Variants in THSD4 observed in about 807,000 individuals in gnomAD.
The protein encoded by THSD4 is thrombospondin type 1 domain containing 4, also known as thrombospondin type-1 domain-containing protein 4.
In THSD4, 69 loss-of-function variants were observed where a neutral mutation model predicts 119.0. That is an observed-to-expected ratio of 0.58 (90% CI 0.48 to 0.71). The LOEUF is 0.71. Among genes scored for constraint, THSD4 ranks in the 30% least tolerant of loss-of-function variants. THSD4 has a pLI of 0.00. For synonymous variants in THSD4, 524 were observed against 540.4 expected (o/e 0.97, Z 0.42); for missense variants, 1,393 against 1,391.1 (o/e 1.00, Z -0.02).
intron 6 of THSD4, among the ~76,000 whole-genome samples, chr15:71,394,059 T>A (rs778002255): frequency 3.4e-4 from 50 of 148,840 alleles, no homozygotes; most frequent in Non-Finnish European, 6.8e-4. Context: ...CAGTTAAATG[T>A]GAATATCAGA....
At chr15:71,299,972 A>ATATATAT (rs1409701282) in intron 6 of THSD4, among the ~76,000 whole-genome samples, 8 of 27,294 alleles carry the variant, frequency 2.9e-4, no homozygotes, top group African/African-American at 4.3e-4. Flanking sequence ...AAAAAAAAAA[A>ATATATAT]AAAAATATAT....
intron 7 of THSD4, among the ~76,000 whole-genome samples, chr15:71,659,732 C>T (rs924356584): frequency 2.8e-4 from 43 of 151,902 alleles, no homozygotes; most frequent in Non-Finnish European, 4.0e-4. Flanking sequence ...TTTGTGTGTG[C>T]GACATAAAAT....
At chr15:71,140,405 C>T (rs1222900246) in intron 1 of THSD4, among the ~76,000 whole-genome samples, 3 of 152,000 alleles carry the variant, frequency 2.0e-5, no homozygotes, top group Non-Finnish European at 4.4e-5. Context: ...TCAGATCTCA[C>T]CCTAACTAAT....
Position 71,589,320 on chromosome 15 carries a change from T to G in THSD4, c.1153-71210T>G, listed in dbSNP as rs537197646. ...TGTGTGTGTGCATACATATTTTGTG[T>G]TTTGTGTAGTCTGGTGTGATATAAA... On this transcript the variant is annotated intron_variant, in intron 7 of 17. Coordinates refer to ENST00000261862, the MANE Select transcript of THSD4 (RefSeq NM_024817.3). Among the ~76,000 whole-genome samples the G allele has an allele frequency of 8.4e-5, 8 of 95,658 alleles. 2 individuals carry two copies. Among genetic ancestry groups the G allele is most frequent in the African/African-American group, 2.4e-4 (8 of 32,798 alleles). 62.8% of individuals were successfully genotyped at this position (95,658 alleles called of 152,430 possible). A position where few individuals can be genotyped will look rare whatever the true frequency, so the allele number is the denominator to read the frequency against.
chr15:71,652,096 A>G (rs542483444), intron 7 of THSD4, among the ~76,000 whole-genome samples: 1 of 152,158 alleles, frequency 6.6e-6, no homozygotes, highest in Non-Finnish European at 1.5e-5. Context: ...GAGTTCATCA[A>G]CCCAACTCAC....
chr15:71,423,541 C>A (rs1397478047), intron 7 of THSD4, among the ~76,000 whole-genome samples: 1 of 152,180 alleles, frequency 6.6e-6, no homozygotes, highest in East Asian at 1.9e-4. Flanking sequence ...CTGCCCTATC[C>A]TGTGGTGGAT....
intron 7 of THSD4, among the ~76,000 whole-genome samples, chr15:71,478,273 T>C (rs1424470859): frequency 6.6e-6 from 1 of 152,236 alleles, no homozygotes. Context: ...AGATGTTGTA[T>C]GCTAACTCCA....
At chr15:71,128,638 A>G (rs1239913799) in intron 1 of THSD4, among the ~76,000 whole-genome samples, 1 of 152,208 alleles carries the variant, frequency 6.6e-6, no homozygotes, top group Non-Finnish European at 1.5e-5. Flanking sequence ...ACTGGTTGAA[A>G]ACTTCCCAAA....
At chr15:71,707,443 CAT>C (rs1284073599) in intron 8 of THSD4, among the ~76,000 whole-genome samples, 2 of 152,194 alleles carry the variant, frequency 1.3e-5, no homozygotes, top group African/African-American at 2.4e-5. Context: ...ATTAAACCAA[CAT>C]GTGAATATCA....
At chr15:71,402,154 T>C (rs1208022421) in intron 6 of THSD4, among the ~76,000 whole-genome samples, 2 of 151,286 alleles carry the variant, frequency 1.3e-5, no homozygotes, top group Non-Finnish European at 2.9e-5. Flanking sequence ...CTAATCTAAA[T>C]GACAAGTTAA....
chr15:71,299,158 G>A (rs1567186401), intron 6 of THSD4, among the ~76,000 whole-genome samples: 1 of 152,196 alleles, frequency 6.6e-6, no homozygotes, highest in African/African-American at 2.4e-5. Flanking sequence ...TCATCTAAAT[G>A]TTTTAATATA....
At chr15:71,128,189 G>A (rs1457052357) in intron 1 of THSD4, among the ~76,000 whole-genome samples, 3 of 151,084 alleles carry the variant, frequency 2.0e-5, no homozygotes, top group Admixed American at 1.3e-4. Flanking sequence ...TACCCAACCT[G>A]AGCAACAGAT....
At chr15:71,213,590 A>T (rs2043905243) in intron 3 of THSD4, among the ~76,000 whole-genome samples, 1 of 152,210 alleles carries the variant, frequency 6.6e-6, no homozygotes, top group South Asian at 2.1e-4. Flanking sequence ...GGCCTGGCTC[A>T]GCACTGGCAT....
chr15:71,713,157 C>A (rs143449361), intron 8 of THSD4, among the ~76,000 whole-genome samples: 1 of 152,152 alleles, frequency 6.6e-6, no homozygotes, highest in Non-Finnish European at 1.5e-5. Flanking sequence ...CGTCTTAATC[C>A]AATATGCCAT....
intron 10 of THSD4, chr15:71,733,435 A>G (rs960582189): frequency 6.6e-6 from 1 of 152,224 alleles, no homozygotes; most frequent in African/African-American, 2.4e-5. Context: ...GATTGAATAA[A>G]TTAGTTGTCC....
rs2043923283 is a variant in THSD4 at position 71,215,307 on chromosome 15, G to A, written c.372G>A (p.Leu124=). ...GGAGCCGCGACGAGACGCCAGCGCTGGCCGGTACGGACGCCAGCCGCCAGG... is the reference window on the plus strand; with the variant it reads ...GGAGCCGCGACGAGACGCCAGCGCTAGCCGGTACGGACGCCAGCCGCCAGG... ...LHRSRDETPA[L]AGTDASRQGP... Residue 124 remains leucine (L), a synonymous_variant, in exon 4 of 18, where the codon CTG becomes CTA. Coordinates refer to ENST00000261862, the MANE Select transcript of THSD4 (RefSeq NM_024817.3). 6.5e-7 allele frequency: 1 copy of A among 1,527,982 alleles called. No individual in the cohort carries two copies. 94.7% of individuals were successfully genotyped at this position (1,527,982 alleles called of 1,614,324 possible). A position where few individuals can be genotyped will look rare whatever the true frequency, so the allele number is the denominator to read the frequency against.
At chr15:71,226,310 T>G (rs1191725559) in intron 4 of THSD4, among the ~76,000 whole-genome samples, 1 of 152,208 alleles carries the variant, frequency 6.6e-6, no homozygotes, top group African/African-American at 2.4e-5. Flanking sequence ...ATTTAGAGAC[T>G]TGTGTCCCTT....
intron 8 of THSD4, among the ~76,000 whole-genome samples, chr15:71,678,362 G>A (rs1053760977): frequency 2.0e-5 from 3 of 152,132 alleles, no homozygotes; most frequent in Non-Finnish European, 2.9e-5. Context: ...CAACAGCTGG[G>A]GATGACCCAC....
intron 7 of THSD4, among the ~76,000 whole-genome samples, chr15:71,576,386 TCTC>T (rs1015030295): frequency 3.9e-4 from 59 of 152,270 alleles, no homozygotes; most frequent in African/African-American, 1.4e-3. Flanking sequence ...TAAGGAACAT[TCTC>T]CTTCCTCCCC....
Sources: gnomAD v4.1 joint callset for allele counts (sites outside exome capture counted in the v4.1 genomes callset) on GRCh38, gnomAD v4.1.1 for gene constraint, MANE v1.5 for transcripts, NCBI Gene and HGNC (gene_info 2026-07-23, HGNC 2026-07-21) for gene names.